The following ZNF302 variants were observed in gnomAD, a reference collection of about 807,000 sequenced individuals.
The protein encoded by ZNF302 is zinc finger protein 302.
In ZNF302, 12 loss-of-function variants were observed where a neutral mutation model predicts 10.8. That is an observed-to-expected ratio of 1.11 (90% CI 0.71 to 1.79). The LOEUF (loss-of-function observed/expected upper bound fraction) is 1.79, where lower values mean the gene tolerates loss of function less well. ZNF302 is among the 40% of genes most tolerant of loss of function. The pLI, the probability that ZNF302 is intolerant of heterozygous loss-of-function variation, is 0.00. For missense variants in ZNF302, 461 were observed against 471.1 expected (o/e 0.98, Z 0.20); for synonymous variants, 178 against 157.5 (o/e 1.13, Z -0.98).
rs1412483305 is a variant in ZNF302 at position 34,684,628 on chromosome 19, A to G, written c.591A>G (p.Arg197=). 1.2e-6 allele frequency: 2 copies of G among 1,613,932 alleles called. No individual in the cohort carries two copies. The highest frequency in any genetic ancestry group is 1.7e-6 in the Non-Finnish European group (2 of 1,179,930). The change falls in exon 5 of 5, where the codon AGA becomes AGG. Residue 197 remains arginine, a synonymous_variant. Transcript: ENST00000505242. ...TTACCCTTCCCCAGACTTGTAATAG[A>G]GAGAAAATCTATACATGCAGTGAAT... The part of the protein sequence containing the change: ...KSLTLPQTCN[R]EKIYTCSECG...
upstream of ZNF302, chr19:34,677,104 C>T (rs896470294): frequency 6.8e-6 from 1 of 148,074 alleles, no homozygotes; most frequent in African/African-American, 2.5e-5. Flanking sequence ...GAACTACAGT[C>T]GTGACAGTCG....
intron 4 of ZNF302, 53 bp from the exon 5 acceptor site, chr19:34,684,199 A>ATGGC: frequency 1.6e-6 from 2 of 1,282,322 alleles, no homozygotes; most frequent in Non-Finnish European, 2.0e-6. Flanking sequence ...AAAAAAAAAA[A>ATGGC]AAAAAAAAAA....
intron 4 of ZNF302, chr19:34,683,861 GCT>G: frequency 1.3e-6 from 1 of 746,204 alleles, no homozygotes; most frequent in East Asian, 3.2e-5. Flanking sequence ...GGAAAAAAAG[GCT>G]ATGAAACAAA....
intron 2 of ZNF302, among the ~76,000 whole-genome samples, chr19:34,680,176 C>T (rs1381035629): frequency 4.6e-5 from 7 of 152,118 alleles, no homozygotes. Context: ...GAACCTGCCT[C>T]TTGAAAGAAA....
chr19:34,683,495 C>CAA (rs1303106362), intron 4 of ZNF302, among the ~76,000 whole-genome samples: 1 of 152,092 alleles, frequency 6.6e-6, no homozygotes, highest in African/African-American at 2.4e-5. Context: ...ATATTCATGA[C>CAA]AAAGTAAGAC....
rs2068631375 is a variant in ZNF302, at chr19:34,685,825, C to T, written c.*588C>T. Reference sequence around the variant, plus strand: ...TCAATAAATGTGGGAAAGCCTTTGTCAGTATTAATCCCTTAATTGACCTAA... The same window carrying T: ...TCAATAAATGTGGGAAAGCCTTTGTTAGTATTAATCCCTTAATTGACCTAA... On this transcript the variant is annotated 3_prime_UTR_variant, in exon 5 of 5. Transcript: ENST00000505242. 1 of 383,956 alleles carries T rather than the reference C, an allele frequency of 2.6e-6. No homozygotes were observed. The allele number at this position is 383,956 out of a possible 1,614,324, so 23.8% of individuals were successfully genotyped here.
At chr19:34,679,628 T>C (rs2068231017) in intron 2 of ZNF302, among the ~76,000 whole-genome samples, 1 of 152,232 alleles carries the variant, frequency 6.6e-6, no homozygotes, top group Non-Finnish European at 1.5e-5. Flanking sequence ...CCGTGGTTAC[T>C]TTCTCAGAAC....
At chr19:34,677,110 A>C (rs1730049065), upstream of ZNF302, 1 of 151,540 alleles carries the variant, frequency 6.6e-6, no homozygotes, top group South Asian at 2.1e-4. Context: ...CAGTCGTGAC[A>C]GTCGGGCCAC....
Position 34,684,450 on chromosome 19 carries a change from A to G in ZNF302, c.413A>G (p.Gln138Arg). 1 of 1,613,292 alleles carries G rather than the reference A, an allele frequency of 6.2e-7. No individual in the cohort carries two copies. Among genetic ancestry groups the G allele is most frequent in the Non-Finnish European group, 8.5e-7 (1 of 1,179,428 alleles). The change falls in exon 5 of 5, where the codon CAA becomes CGA. Residue 138 changes from glutamine to arginine, a missense_variant. Physicochemically the swap from Gln to Arg is conservative, Grantham distance 43. Transcript: ENST00000505242. ...TCAAAGTCTACTCTTTCTGAACCAC[A>G]AAACAATTCTGCTGAAGGGAATTCA... ...FHSKSTLSEP[Q>R]NNSAEGNSHK...
rs2068030253 is a variant in ZNF302, at chr19:34,677,693, G to T, written c.-479G>T. ...GGTGCACTGGGTCAGTCCCGCGATA[G>T]CTTCAGGCCTGGCGGCGGCTTCCAA... On this transcript the variant is annotated 5_prime_UTR_variant, in exon 1 of 5. Coordinates refer to ENST00000505242, the MANE Select transcript of ZNF302 (RefSeq NM_001289187.2). 1 of 152,344 alleles carries T rather than the reference G, an allele frequency of 6.6e-6. No individual in the cohort carries two copies. The highest frequency in any genetic ancestry group is 1.5e-5 in the Non-Finnish European group (1 of 68,118). 9.4% of individuals were successfully genotyped at this position (152,344 alleles called of 1,614,324 possible).
rs1486071361 is a variant in ZNF302, at chr19:34,684,815, A to T, written c.778A>T (p.Ile260Phe). The T allele has an allele frequency of 6.2e-7, 1 of 1,613,776 alleles. No homozygotes were observed. Among genetic ancestry groups the T allele is most frequent in the Non-Finnish European group, 8.5e-7 (1 of 1,179,796 alleles). ...TAGTGGAGAGAAACCTTACAAATGCATTGAATGTGGGAAGGCCTTTAGCCA... is the reference window on the plus strand; with the variant it reads ...TAGTGGAGAGAAACCTTACAAATGCTTTGAATGTGGGAAGGCCTTTAGCCA... ...SHSGEKPYKC[I>F]ECGKAFSHGS... The change falls in exon 5 of 5, where the codon ATT (isoleucine) becomes TTT (phenylalanine). Residue 260 changes from isoleucine to phenylalanine, a missense_variant. Transcript: ENST00000505242.
chr19:34,680,253 T>C (rs913217005), intron 2 of ZNF302, among the ~76,000 whole-genome samples: 1 of 152,208 alleles, frequency 6.6e-6, no homozygotes, highest in Non-Finnish European at 1.5e-5. Context: ...TAAACACTTA[T>C]GAAGTACCTG....
Position 34,685,701 on chromosome 19 carries a change from A to T in ZNF302, c.*464A>T. Reference sequence around the variant, plus strand: ...CTTATTTAACATCAGAAAAATGTATACTGGGGAAAAGTTGTATGAAGGTGG... The same window carrying T: ...CTTATTTAACATCAGAAAAATGTATTCTGGGGAAAAGTTGTATGAAGGTGG... On this transcript the variant is annotated 3_prime_UTR_variant, in exon 5 of 5. Transcript: ENST00000505242. The T allele has an allele frequency of 1.5e-6, 1 of 680,028 alleles. No individual in the cohort carries two copies. Among genetic ancestry groups the T allele is most frequent in the Non-Finnish European group, 2.6e-6 (1 of 384,638 alleles). 42.1% of individuals were successfully genotyped at this position (680,028 alleles called of 1,614,324 possible).
chr19:34,678,676 G>C, intron 1 of ZNF302, 61 bp from the exon 2 acceptor site: 1 of 902,902 alleles, frequency 1.1e-6, no homozygotes, highest in Non-Finnish European at 1.8e-6. Context: ...GTGTGTGACA[G>C]GTGCCGCAAG....
At chr19:34,684,028 CTG>C in intron 4 of ZNF302, 2 of 1,508,228 alleles carry the variant, frequency 1.3e-6, no homozygotes, top group Non-Finnish European at 1.8e-6. Flanking sequence ...GTTCCTGCTT[CTG>C]TGAACTTTGG....
At position 34,685,542 on chromosome 19, in the gene ZNF302, T is replaced by C; in HGVS notation, c.*305T>C. 1 of 1,548,318 alleles carries C rather than the reference T, an allele frequency of 6.5e-7. No homozygotes were observed. The highest frequency in any genetic ancestry group is 8.9e-7 in the Non-Finnish European group (1 of 1,121,554). On this transcript the variant is annotated 3_prime_UTR_variant, in exon 5 of 5. Transcript: ENST00000505242. Reference sequence around the variant, plus strand: ...TCGAATCTTACTGCCCATCAAAGAGTACATAATGGAGAGAAACCCAATAGT... The same window carrying C: ...TCGAATCTTACTGCCCATCAAAGAGCACATAATGGAGAGAAACCCAATAGT...
chr19:34,678,887 C>T (rs2068168545), intron 2 of ZNF302, 74 bp downstream of exon 2: 1 of 1,561,622 alleles, frequency 6.4e-7, no homozygotes. Flanking sequence ...CTTCTCCTGC[C>T]TGTTCCCACC....
chr19:34,684,295 G>C lies in ZNF302; in HGVS notation c.258G>C (p.Lys86Asn). 6.4e-7 allele frequency: 1 copy of C among 1,569,836 alleles called. No homozygotes were observed. Among genetic ancestry groups the C allele is most frequent in the South Asian group, 1.2e-5 (1 of 82,302 alleles). The part of the protein sequence containing the change: ...RWENKELSTK[K>N]DIYDEDSPQP... ...AAAACAAGGAATTATCAACAAAGAA[G>C]GATATTTATGATGAAGATTCACCCC... The change falls in exon 5 of 5, where the codon AAG becomes AAC. Residue 86 changes from lysine to asparagine, a missense_variant. Transcript: ENST00000505242.
At chr19:34,683,876 G>T in intron 4 of ZNF302, 1 of 910,410 alleles carries the variant, frequency 1.1e-6, no homozygotes, top group Non-Finnish European at 1.5e-6. Flanking sequence ...GAAACAAAAT[G>T]CAACCTTTCC....
Sources: gnomAD v4.1 joint callset for allele counts (sites outside exome capture counted in the v4.1 genomes callset) on GRCh38, gnomAD v4.1.1 for gene constraint, MANE v1.5 for transcripts, NCBI Gene and HGNC (gene_info 2026-07-23, HGNC 2026-07-21) for gene names.